TIAL1: variants seen among roughly 807,000 people sequenced by gnomAD.
The protein encoded by TIAL1 is TIA1 cytotoxic granule associated RNA binding protein like 1.
TIAL1 carries 7 observed loss-of-function variants against 59.7 expected under a neutral mutation model. That is an observed-to-expected ratio of 0.12 (90% confidence interval 0.07 to 0.22). TIAL1 has a LOEUF of 0.22. Ranked by LOEUF, TIAL1 falls within the 10% of genes least tolerant of loss-of-function variation. The pLI is 1.00. For synonymous variants in TIAL1, 149 were observed against 146.3 expected, an observed-to-expected ratio of 1.02 and a Z score of -0.13; for missense variants, 225 against 462.5, an observed-to-expected ratio of 0.49 and a Z score of 4.71.
chr10:119,595,372 A>G (rs1465982943), intron 1 of TIAL1, among the ~76,000 whole-genome samples: 1 of 151,976 alleles, frequency 6.6e-6, no homozygotes, highest in East Asian at 1.9e-4. Flanking sequence ...TAGGAGTGCT[A>G]GACCTGGAGA....
chr10:119,575,844 T>C, intron 11 of TIAL1, 53 bp from the exon 12 acceptor site: 2 of 1,492,798 alleles, frequency 1.3e-6, no homozygotes, highest in South Asian at 1.4e-5. Flanking sequence ...AAAAATCACA[T>C]ATGTATTTAC....
intron 7 of TIAL1, among the ~76,000 whole-genome samples, chr10:119,578,306 CAG>C (rs2133993449): frequency 6.7e-6 from 1 of 149,540 alleles, no homozygotes; most frequent in East Asian, 2.0e-4. Context: ...TGATTTGACA[CAG>C]ACTTGATCTA....
intron 5 of TIAL1, 167 bp downstream of exon 5, chr10:119,581,755 T>C (rs1051538750): frequency 1.5e-5 from 8 of 543,212 alleles, no homozygotes; most frequent in Non-Finnish European, 2.2e-5. Context: ...GACATTAACA[T>C]TTTCAACAAC....
chr10:119,577,128 T>C lies in TIAL1; in HGVS notation c.813A>G (p.Lys271=), dbSNP rs370593188. 3 of 1,613,944 alleles carry C rather than the reference T, an allele frequency of 1.9e-6. No homozygotes were observed. The African/African-American group carries it at 4.0e-5, about 22-fold the overall frequency. Residue 271 remains lysine, a synonymous_variant, in exon 10 of 12, where the codon AAA becomes AAG. Transcript: ENST00000436547. Reference sequence around the variant, plus strand: ...CAGGAGATTCTTTACCCCAATAGCATTTAACCACATGTCCTTCAATCGTAG... The same window carrying C: ...CAGGAGATTCTTTACCCCAATAGCACTTAACCACATGTCCTTCAATCGTAG... The part of the protein sequence containing the change: ...NGTTIEGHVV[K]CYWGKESPDM...
intron 1 of TIAL1, among the ~76,000 whole-genome samples, chr10:119,590,804 G>GAA (rs1372093038): frequency 7.1e-6 from 1 of 140,672 alleles, no homozygotes; most frequent in African/African-American, 2.7e-5. Context: ...AAGAAAGAAA[G>GAA]AAAGAAAGAA....
intron 1 of TIAL1, among the ~76,000 whole-genome samples, chr10:119,595,942 C>T (rs1436009732): frequency 8.6e-5 from 13 of 151,960 alleles, no homozygotes; most frequent in Non-Finnish European, 1.0e-4. Context: ...CCTCCGAGAG[C>T]TTAGCTGGGG....
Position 119,576,655 on chromosome 10 carries a change from A to G in TIAL1, c.957T>C (p.Tyr319=), listed in dbSNP as rs1196221850. 9 of 1,614,178 alleles carry G rather than the reference A, an allele frequency of 5.6e-6. 1 individual carries two copies. The East Asian group carries it at 8.9e-5, about 16-fold the overall frequency. ...GATTCCATGGTTGCCCGTATACTCC[A>G]TAAGGCGGTACTTGCCACCCATTTG... ...YMANGWQVPP[Y]GVYGQPWNQQ... is the part of the protein sequence containing the mutation. Residue 319 remains tyrosine (Y), a synonymous_variant, in exon 11 of 12, where the codon TAT becomes TAC. Coordinates refer to ENST00000436547, the MANE Select transcript of TIAL1 (RefSeq NM_003252.4).
In TIAL1 at chr10:119,596,689, G is replaced by A. The variant is rs1353003041; in HGVS notation, c.-224C>T. On this transcript the variant is annotated 5_prime_UTR_variant, in exon 1 of 12. Transcript: ENST00000436547. The stretch of plus-strand genomic sequence containing the variant: ...ATGAACAAAATGGCCGCCGCCACCA[G>A]CCAGGCAGGAAACAGGGCAGAGCGC... The A allele has an allele frequency of 6.8e-6, 4 of 586,330 alleles. No individual in the cohort carries two copies. The highest frequency in any genetic ancestry group is 3.8e-5 in the African/African-American group (2 of 53,322). The allele number at this position is 586,330 out of a possible 1,614,324, so 36.3% of individuals were successfully genotyped here.
chr10:119,576,536 T>G, intron 11 of TIAL1, 75 bp downstream of exon 11: 1 of 1,543,366 alleles, frequency 6.5e-7, no homozygotes, highest in South Asian at 1.2e-5. Flanking sequence ...AAATAGATTC[T>G]CCCTAGGAAA....
intron 2 of TIAL1, among the ~76,000 whole-genome samples, chr10:119,585,022 C>T (rs1845487663): frequency 6.7e-6 from 1 of 149,162 alleles, no homozygotes; most frequent in Admixed American, 6.8e-5. Context: ...ACTTGGGAGG[C>T]TGAGGCAGGA....
intron 7 of TIAL1, 37 bp downstream of exon 7, chr10:119,578,689 G>A (rs1564734376): frequency 1.3e-6 from 2 of 1,482,234 alleles, no homozygotes; most frequent in South Asian, 1.1e-5. Context: ...ATTTTGTGAA[G>A]AATATAATTT....
chr10:119,590,786 A>G (rs148293780), intron 1 of TIAL1, among the ~76,000 whole-genome samples: 20 of 134,984 alleles, frequency 1.5e-4, no homozygotes, highest in African/African-American at 4.5e-4. Flanking sequence ...GAAAGAAAGA[A>G]AGAAAGAAAG....
At position 119,577,861 on chromosome 10, in the gene TIAL1, G is replaced by C. The variant is rs527244266; in HGVS notation, c.557-125C>G. On this transcript the variant is annotated intron_variant, in intron 7 of 11. Coordinates refer to ENST00000436547, the MANE Select transcript of TIAL1 (RefSeq NM_003252.4). ...ACCCAGCACTTTGGGAGGCTGAGGT[G>C]GGCAGATCACCTGAGGTCAGGAGTT... The C allele has an allele frequency of 6.3e-5, 47 of 742,922 alleles. No individual in the cohort carries two copies. The African/African-American group carries it at 7.9e-4, about 13-fold the overall frequency. 46.0% of individuals were successfully genotyped at this position (742,922 alleles called of 1,614,324 possible).
chr10:119,577,960 C>CT (rs1206299734), intron 7 of TIAL1, among the ~76,000 whole-genome samples: 1 of 152,034 alleles, frequency 6.6e-6, no homozygotes, highest in Non-Finnish European at 1.5e-5. Flanking sequence ...GGCACGGTGG[C>CT]TCACGCCTGT....
chr10:119,591,858 T>C (rs1162863486), intron 1 of TIAL1: 1 of 152,236 alleles, frequency 6.6e-6, no homozygotes, highest in East Asian at 1.9e-4. Context: ...GAGAGACGTA[T>C]TGTATAGCTT....
chr10:119,591,832 G>A (rs910669626), intron 1 of TIAL1: 2 of 152,136 alleles, frequency 1.3e-5, no homozygotes, highest in Middle Eastern at 3.4e-3. Flanking sequence ...ATTTGCCTTC[G>A]TGCATCATAA....
At chr10:119,576,963 C>T (rs1845023375) in intron 10 of TIAL1, 117 bp downstream of exon 10, 17 of 1,409,014 alleles carry the variant, frequency 1.2e-5, no homozygotes, top group Non-Finnish European at 1.5e-5. Flanking sequence ...TTTTGAAATA[C>T]AATCAACTGA....
At chr10:119,587,473 T>C (rs1386662541) in intron 2 of TIAL1, among the ~76,000 whole-genome samples, 2 of 152,244 alleles carry the variant, frequency 1.3e-5, no homozygotes, top group African/African-American at 2.4e-5. Flanking sequence ...CTTTAAGTTG[T>C]CTGCTTCTAG....
chr10:119,577,611 C>G (rs1352753042), intron 8 of TIAL1, 30 bp downstream of exon 8: 4 of 1,608,332 alleles, frequency 2.5e-6, no homozygotes, highest in Non-Finnish European at 3.4e-6. Flanking sequence ...TGAAGCTCCT[C>G]AGAGGTGATT....
Sources: allele counts gnomAD v4.1 joint callset (sites outside exome capture counted in the v4.1 genomes callset), GRCh38; gene constraint gnomAD v4.1.1; transcripts MANE v1.5; gene names NCBI Gene and HGNC (gene_info 2026-07-23, HGNC 2026-07-21).